Variants in SLC4A5 observed in about 807,000 individuals in gnomAD.
SLC4A5 encodes electrogenic sodium bicarbonate cotransporter 4.
A neutral mutation model predicts 120.4 loss-of-function variants in SLC4A5; 96 were observed. The ratio of observed to expected loss-of-function variants is 0.80; its 90% CI spans 0.68 to 0.94. The LOEUF is 0.94. Ranked by LOEUF, SLC4A5 falls within the 40% of genes least tolerant of loss-of-function variation. The pLI is 0.00. For missense variants in SLC4A5, 1,259 were observed against 1,459.5 expected, an observed-to-expected ratio of 0.86 and a Z score of 2.24; for synonymous variants, 550 against 571.1, an observed-to-expected ratio of 0.96 and a Z score of 0.53.
intron 8 of SLC4A5, among the ~76,000 whole-genome samples, chr2:74,282,815 G>A (rs914206002): frequency 2.0e-5 from 3 of 152,186 alleles, no homozygotes; most frequent in Middle Eastern, 3.2e-3. Context: ...CCCTGTCCAG[G>A]GTGTGGAGAA....
In SLC4A5 at chr2:74,227,612, G is replaced by A. The variant is rs1444357941; in HGVS notation, c.2916+198C>T. ...CCTAATTACATAGATTCAATTATAT[G>A]AGGCCTATGAAGTGCCTAACATATT... On this transcript the variant is annotated intron_variant, in intron 26 of 30. Coordinates refer to ENST00000394019, the Ensembl canonical transcript of SLC4A5. 3.5e-6 allele frequency: 5 copies of A among 1,444,550 alleles called. No individual in the cohort carries two copies. The Admixed American group carries it at 9.1e-5, about 26-fold the overall frequency. The allele number at this position is 1,444,550 out of a possible 1,614,324, so 89.5% of individuals were successfully genotyped here. A position where few individuals can be genotyped will look rare whatever the true frequency, so the allele number is the denominator to read the frequency against.
At chr2:74,343,201 T>C (rs1485770631) in intron 1 of SLC4A5, among the ~76,000 whole-genome samples, 155 bp downstream of exon 1, 1 of 152,244 alleles carries the variant, frequency 6.6e-6, no homozygotes, top group African/African-American at 2.4e-5. Context: ...GCTCTAAGTC[T>C]TGTACAGGCC....
chr2:74,307,735 G>A (rs1214156235), intron 6 of SLC4A5: 11 of 725,476 alleles, frequency 1.5e-5, no homozygotes, highest in African/African-American at 1.4e-4. Flanking sequence ...CAGGTAGGAG[G>A]CCAGGAGGTC....
intron 24 of SLC4A5, 22 bp from the exon 25 acceptor site, chr2:74,231,330 T>G: frequency 6.2e-7 from 1 of 1,605,814 alleles, no homozygotes; most frequent in Non-Finnish European, 8.5e-7. Flanking sequence ...GAACACATGG[T>G]CAGGGTGTAC....
chr2:74,326,871 A>G (rs553770448), intron 5 of SLC4A5, among the ~76,000 whole-genome samples: 30 of 152,284 alleles, frequency 2.0e-4, no homozygotes, highest in Admixed American at 5.2e-4. Flanking sequence ...ACAGACACAC[A>G]GGGGTCCTTG....
intron 30 of SLC4A5, among the ~76,000 whole-genome samples, 195 bp from the exon 31 acceptor site, chr2:74,218,987 A>G (rs1362668079): frequency 1.3e-5 from 2 of 152,118 alleles, no homozygotes; most frequent in African/African-American, 2.4e-5. Flanking sequence ...CTATCTTCAC[A>G]TTGCTGCCAA....
chr2:74,290,622 T>TGTGA (rs377193951), intron 7 of SLC4A5: 1 of 883,132 alleles, frequency 1.1e-6, no homozygotes, highest in South Asian at 5.4e-5. Flanking sequence ...GACAGAGAAG[T>TGTGA]GAGAGAGAGA....
At chr2:74,334,353 C>A (rs1673434257) in intron 3 of SLC4A5, among the ~76,000 whole-genome samples, 176 bp from the exon 4 acceptor site, 1 of 152,186 alleles carries the variant, frequency 6.6e-6, no homozygotes, top group East Asian at 1.9e-4. Flanking sequence ...CGACGCAAGT[C>A]TTGCTGTTCC....
At chr2:74,216,619 T>C (rs1384670400) in exon 31 of SLC4A5, 2 of 152,190 alleles carry the variant, frequency 1.3e-5, no homozygotes, top group African/African-American at 4.8e-5. Flanking sequence ...TTAATTATTA[T>C]TGTTTATAAG....
At chr2:74,227,049 G>A (rs767939908) in exon 27 of SLC4A5, 12 of 1,614,152 alleles carry the variant, frequency 7.4e-6, no homozygotes, top group East Asian at 4.5e-5. Context: ...AGGTGGATCC[G>A]GCGCAGCGGC....
At chr2:74,221,721 G>A (rs1694654436) in intron 29 of SLC4A5, among the ~76,000 whole-genome samples, 2 of 152,146 alleles carry the variant, frequency 1.3e-5, no homozygotes, top group African/African-American at 4.8e-5. Context: ...GGGAGGGCCA[G>A]GGAAGAGAGA....
At chr2:74,296,519 T>C (rs1311893365) in intron 7 of SLC4A5, among the ~76,000 whole-genome samples, 1 of 151,110 alleles carries the variant, frequency 6.6e-6, no homozygotes, top group Non-Finnish European at 1.5e-5. Context: ...TCCTAGCACT[T>C]TGGGAGGCCG....
intron 22 of SLC4A5, 79 bp from the exon 23 acceptor site, chr2:74,233,642 C>T: frequency 6.9e-7 from 1 of 1,457,372 alleles, no homozygotes; most frequent in South Asian, 1.4e-5. Flanking sequence ...TGCTGTCCCA[C>T]CTCCTCAACT....
chr2:74,288,986 ATTT>A (rs1343361795), intron 7 of SLC4A5, among the ~76,000 whole-genome samples: 1 of 152,058 alleles, frequency 6.6e-6, no homozygotes, highest in Non-Finnish European at 1.5e-5. Context: ...CTTCATAAAC[ATTT>A]TTTGGCTCTC....
At chr2:74,294,645 A>C (rs1672274161) in intron 7 of SLC4A5, among the ~76,000 whole-genome samples, 1 of 151,514 alleles carries the variant, frequency 6.6e-6, no homozygotes, top group African/African-American at 2.4e-5. Flanking sequence ...CGGAGAAAGG[A>C]GAGAAGAAAA....
At chr2:74,224,460 C>G (rs1694771494) in intron 28 of SLC4A5, among the ~76,000 whole-genome samples, 2 of 152,304 alleles carry the variant, frequency 1.3e-5, no homozygotes, top group Admixed American at 6.5e-5. Flanking sequence ...GACACCTCTC[C>G]CCAAGTCTGC....
chr2:74,289,361 G>T (rs1672086504), intron 7 of SLC4A5, among the ~76,000 whole-genome samples: 1 of 150,186 alleles, frequency 6.7e-6, no homozygotes, highest in African/African-American at 2.5e-5. Context: ...CTTTTGCTTA[G>T]GCTGGAGTGC....
chr2:74,250,844 T>C, intron 16 of SLC4A5: 1 of 259,524 alleles, frequency 3.9e-6, no homozygotes, highest in Non-Finnish European at 7.4e-6. Flanking sequence ...CTCACATCCC[T>C]GACCATCTGC....
chr2:74,262,096 C>G (rs950475003), intron 11 of SLC4A5, 41 bp downstream of exon 11: 22 of 1,584,564 alleles, frequency 1.4e-5, no homozygotes, highest in Non-Finnish European at 1.6e-5. Context: ...GCTGCCACAG[C>G]CTGAATAAAG....
Sources: allele counts gnomAD v4.1 joint callset (sites outside exome capture counted in the v4.1 genomes callset), GRCh38; gene constraint gnomAD v4.1.1; transcripts MANE v1.5; gene names NCBI Gene and HGNC (gene_info 2026-07-23, HGNC 2026-07-21).